The following ACYP2 variants were observed in gnomAD, a reference collection of about 807,000 sequenced individuals.
The protein encoded by ACYP2 is acylphosphatase-2.
A neutral mutation model predicts 11.2 loss-of-function variants in ACYP2; 12 were observed. That is an observed-to-expected ratio of 1.08 (90% CI 0.69 to 1.74). The LOEUF (loss-of-function observed/expected upper bound fraction) is 1.74, where lower values mean the gene tolerates loss of function less well. ACYP2 is among the 40% of genes most tolerant of loss of function. The pLI is 0.00. For missense variants in ACYP2, 134 were observed against 101.9 expected (o/e 1.31, Z -1.35); for synonymous variants, 43 against 32.2 (o/e 1.33, Z -1.13).
intron 4 of ACYP2, among the ~76,000 whole-genome samples, chr2:54,110,924 A>T (rs1333174745): frequency 2.0e-5 from 3 of 151,932 alleles, no homozygotes. Context: ...CAGAGCAAAG[A>T]GAGGTGGTTG....
chr2:54,260,879 G>A (rs1467771655), intron 6 of ACYP2, among the ~76,000 whole-genome samples: 1 of 151,650 alleles, frequency 6.6e-6, no homozygotes. Flanking sequence ...TGAGGCAGGA[G>A]CTAAAAAACA....
chr2:54,298,488 G>A (rs1337713830), intron 6 of ACYP2, among the ~76,000 whole-genome samples: 1 of 152,176 alleles, frequency 6.6e-6, no homozygotes, highest in Non-Finnish European at 1.5e-5. Context: ...CAAATAACGG[G>A]AGATAAAGCT....
intron 4 of ACYP2, among the ~76,000 whole-genome samples, chr2:54,079,471 G>A (rs749312892): frequency 6.6e-6 from 1 of 152,214 alleles, no homozygotes; most frequent in Non-Finnish European, 1.5e-5. Context: ...GAAACCAGCT[G>A]TCCCTCTCCT....
chr2:54,075,511 A>AG (rs1677283971), intron 4 of ACYP2, among the ~76,000 whole-genome samples: 3 of 120,260 alleles, frequency 2.5e-5, no homozygotes, highest in African/African-American at 2.8e-5. Context: ...ATTAAAAAAA[A>AG]AAAGAAAGAA....
intron 6 of ACYP2, among the ~76,000 whole-genome samples, chr2:54,251,624 C>A (rs1687230039): frequency 6.6e-6 from 1 of 152,122 alleles, no homozygotes; most frequent in South Asian, 2.1e-4. Context: ...CCATGTGTCT[C>A]ATGTTTCTGC....
At chr2:54,225,913 G>C (rs1685992883) in intron 6 of ACYP2, among the ~76,000 whole-genome samples, 1 of 152,104 alleles carries the variant, frequency 6.6e-6, no homozygotes, top group South Asian at 2.1e-4. Context: ...TGCTAACCTA[G>C]GATTAATAAC....
rs528489586 is a variant in ACYP2, at chr2:54,259,501, G to A, written c.405-45187G>A. Among the ~76,000 whole-genome samples the A allele has an allele frequency of 2.6e-4, 40 of 152,330 alleles. 1 individual carries two copies. Among genetic ancestry groups the A allele is most frequent in the Admixed American group, 2.6e-3 (40 of 15,294 alleles). ...GCAGGGTAGGAAGGAAACCAAGAGA[G>A]TGCAATGTGCTTGAAGCCAAATGTG... On this transcript the variant is annotated intron_variant, in intron 6 of 6. Coordinates refer to ENST00000607452, the MANE Select transcript of ACYP2 (RefSeq NM_001320586.2).
intron 2 of ACYP2, among the ~76,000 whole-genome samples, chr2:54,015,361 A>T (rs1673620767): frequency 6.6e-6 from 1 of 150,592 alleles, no homozygotes; most frequent in Non-Finnish European, 1.5e-5. Context: ...ATACAAAATT[A>T]GCCAGGTGTG....
intron 4 of ACYP2, chr2:54,057,447 G>A (rs1363060): frequency 0.12 from 46,604 of 391,514 alleles, 3,387 homozygotes; most frequent in East Asian, 0.29. Context: ...ATTAGCCTCA[G>A]GATGGCAGAA....
intron 4 of ACYP2, chr2:54,082,648 C>CT (rs1329222043): frequency 2.0e-5 from 3 of 152,192 alleles, no homozygotes; most frequent in Admixed American, 6.5e-5. Context: ...TTTCACATGT[C>CT]TTTAAGCTTA....
intron 6 of ACYP2, chr2:54,255,116 C>T (rs756102539): frequency 6.2e-7 from 1 of 1,614,150 alleles, no homozygotes. Flanking sequence ...CTGCAGATGA[C>T]ATGTCGGTTC....
intron 1 of ACYP2, among the ~76,000 whole-genome samples, chr2:53,971,665 C>T (rs1401287202): frequency 6.6e-6 from 1 of 152,150 alleles, no homozygotes; most frequent in East Asian, 1.9e-4. Context: ...AGATAATGCT[C>T]TTAATTGCTA....
chr2:54,052,973 G>A (rs1675945380), intron 3 of ACYP2, among the ~76,000 whole-genome samples: 1 of 152,112 alleles, frequency 6.6e-6, no homozygotes, highest in Non-Finnish European at 1.5e-5. Flanking sequence ...AACATATCTG[G>A]GCCCTGTAAT....
chr2:54,158,599 T>C (rs780145197), intron 6 of ACYP2, among the ~76,000 whole-genome samples: 1 of 152,220 alleles, frequency 6.6e-6, no homozygotes, highest in South Asian at 2.1e-4. Flanking sequence ...TGACATGAGA[T>C]ATGTGCTATT....
intron 6 of ACYP2, among the ~76,000 whole-genome samples, chr2:54,163,594 C>T (rs1451677651): frequency 6.6e-6 from 1 of 152,094 alleles, no homozygotes; most frequent in East Asian, 1.9e-4. Flanking sequence ...GTGGCTCACG[C>T]CCGTAATCCC....
intron 1 of ACYP2, among the ~76,000 whole-genome samples, chr2:53,972,918 A>G (rs966506287): frequency 6.6e-6 from 1 of 152,222 alleles, no homozygotes; most frequent in Non-Finnish European, 1.5e-5. Context: ...GGGTGATCTA[A>G]ACTGAGATGC....
chr2:54,042,290 G>A lies in ACYP2; in HGVS notation c.63-8668G>A, dbSNP rs571895929. ...CAAAGTGCTGGGATTACAGGCGTGA[G>A]CCACCACGCCCAGCCCAAACTCACT... is the stretch of plus-strand genomic sequence containing the variant. On this transcript the variant is annotated intron_variant, in intron 2 of 6. Transcript: ENST00000607452. 2.0e-5 allele frequency among the ~76,000 whole-genome samples: 3 copies of A among 152,322 alleles called. No homozygotes were observed. In the South Asian group the frequency reaches 6.2e-4, roughly 32 times the overall value.
intron 6 of ACYP2, among the ~76,000 whole-genome samples, chr2:54,237,943 G>A (rs952883157): frequency 1.3e-5 from 2 of 151,976 alleles, no homozygotes; most frequent in Non-Finnish European, 2.9e-5. Context: ...CCGTACTCTC[G>A]TTACTCGCTT....
At chr2:54,224,617 GA>G (rs1423425884) in intron 6 of ACYP2, among the ~76,000 whole-genome samples, 1 of 152,200 alleles carries the variant, frequency 6.6e-6, no homozygotes, top group African/African-American at 2.4e-5. Context: ...TGCCAAACAG[GA>G]AGACAAGTTC....
Sources: gnomAD v4.1 joint callset for allele counts (sites outside exome capture counted in the v4.1 genomes callset) on GRCh38, gnomAD v4.1.1 for gene constraint, MANE v1.5 for transcripts, NCBI Gene and HGNC (gene_info 2026-07-23, HGNC 2026-07-21) for gene names.